LRRTM4: variants seen among roughly 807,000 people sequenced by gnomAD.
LRRTM4 encodes the protein leucine rich repeat transmembrane neuronal 4.
LRRTM4 carries 25 observed loss-of-function variants against 47.6 expected under a neutral mutation model. The observed-to-expected ratio is 0.53, with a 90% CI of 0.38 to 0.73. The LOEUF is 0.73. LRRTM4 is among the 30% of genes least tolerant of loss of function. The pLI, the probability that LRRTM4 is intolerant of heterozygous loss-of-function variation, is 0.00. For missense variants in LRRTM4, 638 were observed against 713.4 expected (o/e 0.89, Z 1.20); for synonymous variants, 311 against 269.5 (o/e 1.15, Z -1.51).
chr2:76,761,094 C>G (rs770178386), intron 3 of LRRTM4, among the ~76,000 whole-genome samples: 2 of 152,196 alleles, frequency 1.3e-5, no homozygotes, highest in South Asian at 4.1e-4. Context: ...TTGACAACAC[C>G]GCTTAATGTT....
intron 3 of LRRTM4, among the ~76,000 whole-genome samples, chr2:76,784,822 A>G (rs146550848): frequency 5.3e-5 from 8 of 152,212 alleles, no homozygotes; most frequent in African/African-American, 1.2e-4. Context: ...AAAATGAAAT[A>G]CTAAATATAC....
In LRRTM4 at chr2:77,188,769, A is replaced by T. The variant is rs575806782; in HGVS notation, c.1551+329549T>A. ...CAATACTGGTCTGCTCTGCCCTCCC[A>T]TTTGCAATGCTCTTGACCCTTCTAT... On this transcript the variant is annotated intron_variant, in intron 3 of 3. Coordinates refer to ENST00000409884, the MANE Select transcript of LRRTM4 (RefSeq NM_001134745.3). Among the ~76,000 whole-genome samples, 3 of 152,210 alleles carry T rather than the reference A, an allele frequency of 2.0e-5. No individual in the cohort carries two copies. The East Asian group carries it at 5.8e-4, about 29-fold the overall frequency.
At chr2:76,919,780 GC>G (rs1674376812) in intron 3 of LRRTM4, among the ~76,000 whole-genome samples, 1 of 152,068 alleles carries the variant, frequency 6.6e-6, no homozygotes, top group Non-Finnish European at 1.5e-5. Context: ...GCACATTATA[GC>G]ATACAAATAA....
chr2:77,084,423 A>T (rs1680641080), intron 3 of LRRTM4, among the ~76,000 whole-genome samples: 1 of 152,218 alleles, frequency 6.6e-6, no homozygotes, highest in Non-Finnish European at 1.5e-5. Context: ...TTATTTCAGA[A>T]ACAAGTACCC....
intron 3 of LRRTM4, among the ~76,000 whole-genome samples, chr2:76,754,701 C>T (rs4564799): frequency 0.32 from 48,686 of 152,036 alleles, 8,541 homozygotes; most frequent in East Asian, 0.51. Context: ...GTGTCTACTT[C>T]CCTTTGCCTA....
At chr2:77,410,986 C>T (rs1023699650) in intron 3 of LRRTM4, among the ~76,000 whole-genome samples, 2 of 152,004 alleles carry the variant, frequency 1.3e-5, no homozygotes, top group African/African-American at 4.8e-5. Flanking sequence ...ACAGATGGAC[C>T]CAACGAGAAT....
chr2:77,182,161 G>A (rs1673365037), intron 3 of LRRTM4, among the ~76,000 whole-genome samples: 1 of 152,040 alleles, frequency 6.6e-6, no homozygotes, highest in African/African-American at 2.4e-5. Context: ...GCAAAGACAT[G>A]GAATCAACCT....
intron 3 of LRRTM4, among the ~76,000 whole-genome samples, chr2:76,998,988 C>T (rs1178679361): frequency 7.1e-6 from 1 of 141,130 alleles, no homozygotes. Flanking sequence ...TTTCTATTTC[C>T]TATCAGTCTA....
intron 3 of LRRTM4, among the ~76,000 whole-genome samples, chr2:76,887,573 G>C (rs1673117870): frequency 6.9e-6 from 1 of 145,212 alleles, no homozygotes; most frequent in South Asian, 2.2e-4. Context: ...GTGCAAATAT[G>C]TATATATACA....
At chr2:76,851,762 T>A (rs1047502046) in intron 3 of LRRTM4, among the ~76,000 whole-genome samples, 18 of 150,694 alleles carry the variant, frequency 1.2e-4, no homozygotes, top group African/African-American at 3.7e-4. Context: ...TTCGTTTTTT[T>A]TTTTTTTTTT....
intron 3 of LRRTM4, among the ~76,000 whole-genome samples, chr2:77,040,775 T>C (rs1366039653): frequency 1.3e-5 from 2 of 151,454 alleles, no homozygotes; most frequent in Non-Finnish European, 3.0e-5. Flanking sequence ...AGTCCATTTT[T>C]TCCATTTTAA....
At chr2:76,793,607 AG>A (rs1314594271) in intron 3 of LRRTM4, among the ~76,000 whole-genome samples, 1 of 30,036 alleles carries the variant, frequency 3.3e-5, no homozygotes, top group Non-Finnish European at 5.6e-5. Context: ...GCTCTCGGTA[AG>A]TTAAGTTTTG....
intron 3 of LRRTM4, among the ~76,000 whole-genome samples, chr2:77,072,811 A>AC (rs1680201524): frequency 6.6e-6 from 1 of 151,256 alleles, no homozygotes; most frequent in East Asian, 1.9e-4. Context: ...AAAAAAAAAA[A>AC]AAAAAAAAAA....
Position 76,748,334 on chromosome 2 carries a change from C to A in LRRTM4, c.*361G>T, listed in dbSNP as rs2104042721. 2 of 178,528 alleles carry A rather than the reference C, an allele frequency of 1.1e-5. No homozygotes were observed. The highest frequency in any genetic ancestry group is 2.4e-5 in the Non-Finnish European group (2 of 84,074). The allele number at this position is 178,528 out of a possible 1,614,324, so 11.1% of individuals were successfully genotyped here. Reference sequence around the variant, plus strand: ...CCTGTTTATTTGCTCCCCTGTGGTTCTCCAGCCCAGGAACCATGCAGTGTA... The same window carrying A: ...CCTGTTTATTTGCTCCCCTGTGGTTATCCAGCCCAGGAACCATGCAGTGTA... On this transcript the variant is annotated 3_prime_UTR_variant, in exon 4 of 4. Transcript: ENST00000409884.
chr2:77,374,693 C>T (rs182222734), intron 3 of LRRTM4, among the ~76,000 whole-genome samples: 42 of 151,816 alleles, frequency 2.8e-4, no homozygotes, highest in African/African-American at 9.6e-4. Flanking sequence ...GCCTTAATTG[C>T]CTTCAAAATT....
chr2:76,984,262 A>G (rs1347050512), intron 3 of LRRTM4, among the ~76,000 whole-genome samples: 1 of 151,978 alleles, frequency 6.6e-6, no homozygotes, highest in Non-Finnish European at 1.5e-5. Flanking sequence ...TTTTTATATA[A>G]AATATATTTT....
chr2:77,045,647 GCT>G (rs1383164938), intron 3 of LRRTM4, among the ~76,000 whole-genome samples: 4 of 151,916 alleles, frequency 2.6e-5, no homozygotes, highest in African/African-American at 4.8e-5. Flanking sequence ...TCCTGCACAA[GCT>G]CTCTCTTTGC....
At chr2:77,105,659 T>TA (rs953572513) in intron 3 of LRRTM4, among the ~76,000 whole-genome samples, 18 of 151,358 alleles carry the variant, frequency 1.2e-4, no homozygotes, top group African/African-American at 3.4e-4. Context: ...TAAAGTATAA[T>TA]AAAAAAAAGA....
At position 77,519,111 on chromosome 2, in the gene LRRTM4, C is replaced by A. The variant is rs1221186802; in HGVS notation, c.758G>T (p.Ser253Ile). The A allele has an allele frequency of 1.9e-6, 3 of 1,613,016 alleles. No individual in the cohort carries two copies. The highest frequency in any genetic ancestry group is 1.7e-5 in the Admixed American group (1 of 59,818). The change falls in exon 3 of 4, where the codon AGT (serine) becomes ATT (isoleucine). Residue 253 changes from serine (S) to isoleucine (I), a missense_variant. Ser to Ile is a moderately radical substitution (Grantham distance 142). Transcript: ENST00000409884. This position sits in a 1 kb window ranked among gnomAD's most constrained non-coding sequence, Gnocchi z 4.6. ...TGATAAATCCAAGTTGTGTAAGGAA[C>A]TCCAAGTCCATGTCAAACCTTGGCT... ...SISQGLTWTW[S>I]SLHNLDLSGN...
Sources: gnomAD v4.1 joint callset for allele counts (sites outside exome capture counted in the v4.1 genomes callset) on GRCh38, gnomAD v4.1.1 for gene constraint, Gnocchi (gnomAD v3.1) non-coding constraint, MANE v1.5 for transcripts, NCBI Gene and HGNC (gene_info 2026-07-23, HGNC 2026-07-21) for gene names.